Variants in FARSB observed in about 807,000 individuals in gnomAD.
The protein encoded by FARSB is phenylalanine--tRNA ligase beta subunit.
In FARSB, 40 loss-of-function variants were observed where a neutral mutation model predicts 69.6. The ratio of observed to expected loss-of-function variants is 0.57; its 90% CI spans 0.45 to 0.75. The LOEUF (loss-of-function observed/expected upper bound fraction) is 0.75. Among genes scored for constraint, FARSB ranks in the 30% least tolerant of loss-of-function variants. FARSB has a pLI of 0.00. For synonymous variants in FARSB, 235 were observed against 247.2 expected, an observed-to-expected ratio of 0.95 and a Z score of 0.46; for missense variants, 632 against 722.9, an observed-to-expected ratio of 0.87 and a Z score of 1.44.
At chr2:222,621,697 T>C (rs1258564374) in intron 13 of FARSB, among the ~76,000 whole-genome samples, 1 of 152,166 alleles carries the variant, frequency 6.6e-6, no homozygotes, top group African/African-American at 2.4e-5. Flanking sequence ...TATGCAGATA[T>C]AGCAAAAATC....
chr2:222,645,769 A>G (rs1298393752), intron 2 of FARSB, among the ~76,000 whole-genome samples: 1 of 152,164 alleles, frequency 6.6e-6, no homozygotes, highest in Non-Finnish European at 1.5e-5. Context: ...AATTTATTAT[A>G]AAGTAGGTCC....
intron 13 of FARSB, among the ~76,000 whole-genome samples, chr2:222,621,715 TG>T (rs1691141235): frequency 1.3e-5 from 2 of 152,344 alleles, no homozygotes; most frequent in Admixed American, 1.3e-4. Flanking sequence ...ATCAATATGA[TG>T]AAGTGTGAAT....
intron 16 of FARSB, among the ~76,000 whole-genome samples, chr2:222,577,222 A>G (rs1299977290): frequency 1.3e-5 from 2 of 152,222 alleles, no homozygotes; most frequent in African/African-American, 4.8e-5. Context: ...GTAAGTGGAG[A>G]CTGAATAATT....
At position 222,639,714 on chromosome 2, in the gene FARSB, T is replaced by C; in HGVS notation, c.340-19A>G. The stretch of plus-strand genomic sequence containing the variant: ...TAGCTGTCTGAAATTCATAATATCA[T>C]TAGAGATAGCAAACAGTAAGGCTTT... On this transcript the variant is annotated intron_variant, in intron 4 of 16. Coordinates refer to ENST00000281828, the MANE Select transcript of FARSB (RefSeq NM_005687.5). The C allele has an allele frequency of 1.6e-6, 2 of 1,224,228 alleles. No individual in the cohort carries two copies. The highest frequency in any genetic ancestry group is 1.5e-5 in the African/African-American group (1 of 66,544). The allele number at this position is 1,224,228 out of a possible 1,614,324, so 75.8% of individuals were successfully genotyped here.
At chr2:222,635,314 T>G (rs1369197418) in intron 5 of FARSB, among the ~76,000 whole-genome samples, 1 of 152,200 alleles carries the variant, frequency 6.6e-6, no homozygotes, top group East Asian at 1.9e-4. Flanking sequence ...TTGGTCAAAA[T>G]TTGTGTTCTT....
intron 14 of FARSB, among the ~76,000 whole-genome samples, chr2:222,617,933 G>C (rs559206901): frequency 5.9e-5 from 9 of 152,200 alleles, no homozygotes; most frequent in Non-Finnish European, 1.3e-4. Context: ...AATCAAGCTA[G>C]ATAAGTAAAA....
At chr2:222,573,513 TATGA>T (rs2106172862) in intron 16 of FARSB, among the ~76,000 whole-genome samples, 1 of 152,324 alleles carries the variant, frequency 6.6e-6, no homozygotes, top group Non-Finnish European at 1.5e-5. Flanking sequence ...TTCACATTCA[TATGA>T]ATATTACTAA....
intron 16 of FARSB, among the ~76,000 whole-genome samples, chr2:222,582,682 TG>T (rs1014039612): frequency 1.3e-5 from 2 of 152,126 alleles, no homozygotes; most frequent in African/African-American, 4.8e-5. Context: ...CCCAGCACTT[TG>T]GGAGGCCGAG....
At chr2:222,653,903 T>A (rs940255989) in intron 1 of FARSB, among the ~76,000 whole-genome samples, 1 of 152,054 alleles carries the variant, frequency 6.6e-6, no homozygotes, top group Non-Finnish European at 1.5e-5. Context: ...ATTACAAGCA[T>A]CAGCCATGTA....
intron 9 of FARSB, among the ~76,000 whole-genome samples, chr2:222,629,139 A>G (rs1165123567): frequency 6.6e-6 from 1 of 152,128 alleles, no homozygotes; most frequent in East Asian, 1.9e-4. Flanking sequence ...ACTGCAAAGC[A>G]TGCATCCGAC....
chr2:222,593,118 T>A (rs956480122), intron 16 of FARSB, among the ~76,000 whole-genome samples: 1 of 152,186 alleles, frequency 6.6e-6, no homozygotes, highest in African/African-American at 2.4e-5. Flanking sequence ...AAGAGGAGAC[T>A]ACTATAATTC....
At chr2:222,607,172 G>A (rs1690721903) in intron 15 of FARSB, among the ~76,000 whole-genome samples, 1 of 152,208 alleles carries the variant, frequency 6.6e-6, no homozygotes, top group African/African-American at 2.4e-5. Context: ...CATATCAAAT[G>A]TGGGTAAACA....
intron 15 of FARSB, among the ~76,000 whole-genome samples, chr2:222,600,323 A>G (rs1416486342): frequency 6.6e-6 from 1 of 152,052 alleles, no homozygotes; most frequent in African/African-American, 2.4e-5. Context: ...GACCAGGGAA[A>G]ATAAGGCTTC....
At chr2:222,651,101 A>T (rs1211655768) in intron 1 of FARSB, among the ~76,000 whole-genome samples, 1 of 152,208 alleles carries the variant, frequency 6.6e-6, no homozygotes, top group Non-Finnish European at 1.5e-5. Context: ...GAAGCCTCAT[A>T]GTCTTTGGTA....
intron 16 of FARSB, among the ~76,000 whole-genome samples, chr2:222,594,832 T>G (rs1196187383): frequency 4.6e-5 from 7 of 152,186 alleles, no homozygotes; most frequent in African/African-American, 1.4e-4. Flanking sequence ...GAGAGAACTT[T>G]GCCTTGTGCA....
At chr2:222,605,269 A>ATAC (rs1574927252) in intron 15 of FARSB, among the ~76,000 whole-genome samples, 1 of 151,770 alleles carries the variant, frequency 6.6e-6, no homozygotes, top group Non-Finnish European at 1.5e-5. Context: ...TATCCCTTTC[A>ATAC]TACTACTGAC....
At chr2:222,615,707 TG>T in intron 14 of FARSB, among the ~76,000 whole-genome samples, 1 of 152,360 alleles carries the variant, frequency 6.6e-6, no homozygotes. Flanking sequence ...TCTTAGATCC[TG>T]CACAAGTAAC....
At position 222,626,072 on chromosome 2, in the gene FARSB, C is replaced by T. The variant is rs1033473839; in HGVS notation, c.901-1297G>A. Among the ~76,000 whole-genome samples, 137 of 151,856 alleles carry T rather than the reference C, an allele frequency of 9.0e-4. 2 individuals carry two copies. The highest frequency in any genetic ancestry group is 9.0e-3 in the Admixed American group (137 of 15,248). On this transcript the variant is annotated intron_variant, in intron 10 of 16. Coordinates refer to ENST00000281828, the MANE Select transcript of FARSB (RefSeq NM_005687.5). ...GACCAGCCTGGCCAATGTAGTGAAACCCCATCTCTACTAAAAATACAAAAA... is the reference window on the plus strand; with the variant it reads ...GACCAGCCTGGCCAATGTAGTGAAATCCCATCTCTACTAAAAATACAAAAA...
intron 14 of FARSB, among the ~76,000 whole-genome samples, chr2:222,615,770 C>T (rs973406869): frequency 2.6e-5 from 4 of 152,180 alleles, no homozygotes; most frequent in Non-Finnish European, 4.4e-5. Context: ...AAAAAGAGAA[C>T]GTCTTTCCCA....
Sources: gnomAD v4.1 joint callset for allele counts (sites outside exome capture counted in the v4.1 genomes callset) on GRCh38, gnomAD v4.1.1 for gene constraint, MANE v1.5 for transcripts, NCBI Gene and HGNC (gene_info 2026-07-23, HGNC 2026-07-21) for gene names.